The following GP2 variants were observed in gnomAD, a reference collection of about 807,000 sequenced individuals.
GP2 encodes glycoprotein 2.
A neutral mutation model predicts 60.8 loss-of-function variants in GP2; 58 were observed. The ratio of observed to expected loss-of-function variants is 0.95; its 90% CI spans 0.77 to 1.19. The LOEUF is 1.19. Among genes scored for constraint, GP2 ranks in the 50% most tolerant of loss-of-function variants. The probability of loss-of-function intolerance (pLI) is 0.00; values close to 1 mark genes in which losing one functional copy is unlikely to be tolerated. For missense variants in GP2, 647 were observed against 667.4 expected, an observed-to-expected ratio of 0.97 and a Z score of 0.34; for synonymous variants, 280 against 253.4, an observed-to-expected ratio of 1.10 and a Z score of -1.00.
rs1172216023 is a variant in GP2 at position 20,323,907 on chromosome 16, C to T, written c.444G>A (p.Trp148Ter). The T allele has an allele frequency of 6.2e-7, 1 of 1,614,096 alleles. No homozygotes were observed. Among genetic ancestry groups the T allele is most frequent in the Non-Finnish European group, 8.5e-7 (1 of 1,179,948 alleles). ...CAHWSGNCCF[W>*]KTEVLVKACP... Reference sequence around the variant, plus strand: ...AGGCCTTCACCAGCACCTCTGTTTTCCAGAAACAGCAGTTGCCACTCCAAT... The same window carrying T: ...AGGCCTTCACCAGCACCTCTGTTTTTCAGAAACAGCAGTTGCCACTCCAAT... The change falls in exon 3 of 11, where the codon TGG becomes TGA. Residue 148 changes from tryptophan (W) to a stop codon, truncating the protein, a stop_gained. Coordinates refer to ENST00000302555, the MANE Select transcript of GP2 (RefSeq NM_001502.4). LOFTEE classifies it high-confidence loss of function.
chr16:20,315,983 G>C lies in GP2; in HGVS notation c.1474C>G (p.Leu492Val). The C allele has an allele frequency of 6.2e-7, 1 of 1,613,200 alleles. No individual in the cohort carries two copies. The highest frequency in any genetic ancestry group is 1.1e-5 in the South Asian group (1 of 91,062). The change falls in exon 9 of 11, where the codon CTA becomes GTA. Residue 492 changes from leucine to valine, a missense_variant. Physicochemically the swap from Leu to Val is conservative, Grantham distance 32 (BLOSUM62 1). Transcript: ENST00000302555. ...EVPAIDLARV[L>V]DLGPITRRGA... ...CTCCGAGTGATGGGCCCCAAATCTAGAACCCGGGCTAGGTCGATGGCCGGT... is the reference window on the plus strand; with the variant it reads ...CTCCGAGTGATGGGCCCCAAATCTACAACCCGGGCTAGGTCGATGGCCGGT...
intron 3 of GP2, chr16:20,323,480 G>T: frequency 1.5e-6 from 1 of 660,266 alleles, no homozygotes; most frequent in Non-Finnish European, 2.8e-6. Flanking sequence ...TGTTATTTTT[G>T]CTGTACCCCC....
Position 20,310,420 on chromosome 16 carries a change from A to G in GP2, c.*803T>C, listed in dbSNP as rs1963963170. On this transcript the variant is annotated 3_prime_UTR_variant, in exon 11 of 11. Coordinates refer to ENST00000302555, the MANE Select transcript of GP2 (RefSeq NM_001502.4). Reference sequence around the variant, plus strand: ...TTCTTCCTGGAGCAGAGTCTCCAAAAGTGGCCCTTTGACATGTTCCCATGG... The same window carrying G: ...TTCTTCCTGGAGCAGAGTCTCCAAAGGTGGCCCTTTGACATGTTCCCATGG... The G allele has an allele frequency of 6.6e-6, 1 of 152,242 alleles. No individual in the cohort carries two copies. The highest frequency in any genetic ancestry group is 1.5e-5 in the Non-Finnish European group (1 of 68,058). 9.4% of individuals were successfully genotyped at this position (152,242 alleles called of 1,614,324 possible).
At position 20,324,157 on chromosome 16, in the gene GP2, T is replaced by G. The variant is rs763384439; in HGVS notation, c.194A>C (p.Asn65Thr). The change falls in exon 3 of 11, where the codon AAT becomes ACT. Residue 65 changes from asparagine (N) to threonine (T), a missense_variant. By Grantham distance (65) the Asn-to-Thr change is moderately conservative. Transcript: ENST00000302555. ...GAAGGGTTCATCCAGGAGGGTGTAA[T>G]TCTGACAGGGGTCAAAACAGACATG... is the stretch of plus-strand genomic sequence containing the variant. Reference protein sequence around the residue: ...EAHVCFDPCQNYTLLDEPFRS... With the variant: ...EAHVCFDPCQTYTLLDEPFRS... 17 of 1,614,046 alleles carry G rather than the reference T, an allele frequency of 1.1e-5. No homozygotes were observed. Among genetic ancestry groups the G allele is most frequent in the African/African-American group, 2.7e-5 (2 of 75,044 alleles).
intron 9 of GP2, among the ~76,000 whole-genome samples, chr16:20,315,254 G>A (rs1476290686): frequency 6.6e-6 from 1 of 152,096 alleles, no homozygotes; most frequent in Non-Finnish European, 1.5e-5. Flanking sequence ...ATTTGACAAA[G>A]TGCCAGGCAC....
chr16:20,327,387 C>T, intron 1 of GP2, 80 bp downstream of exon 1: 5 of 1,061,492 alleles, frequency 4.7e-6, no homozygotes, highest in Non-Finnish European at 4.9e-6. Context: ...TTTCCAGAAA[C>T]AAAGAATCCT....
rs1029473712 is a variant in GP2, at chr16:20,310,737, C to A, written c.*486G>T. ...AGCCGAGGACAGATTGACAGAAACC[C>A]CACTATGTTGCTTTTCTTTTTTTTT... On this transcript the variant is annotated 3_prime_UTR_variant, in exon 11 of 11. Transcript: ENST00000302555. 3.9e-5 allele frequency: 6 copies of A among 154,922 alleles called. No individual in the cohort carries two copies. Among genetic ancestry groups the A allele is most frequent in the African/African-American group, 1.5e-4 (6 of 41,182 alleles). The allele number at this position is 154,922 out of a possible 1,614,324, so 9.6% of individuals were successfully genotyped here.
chr16:20,314,961 G>T (rs1964115377), intron 9 of GP2, among the ~76,000 whole-genome samples: 1 of 152,222 alleles, frequency 6.6e-6, no homozygotes, highest in East Asian at 1.9e-4. Context: ...CTGGAGCTCA[G>T]TGATGTTAAG....
Position 20,317,384 on chromosome 16 carries a change from G to A in GP2, c.1254-9C>T. 2 of 1,611,252 alleles carry A rather than the reference G, an allele frequency of 1.2e-6. No homozygotes were observed. The highest frequency in any genetic ancestry group is 1.3e-5 in the African/African-American group (1 of 74,988). ...CACGTTGATTTGAGCAGCTGGGAGG[G>A]TGACAGGGGCAAAGGTGTAACTTCT... On this transcript the variant is annotated splice_polypyrimidine_tract_variant and intron_variant, in intron 7 of 10. Transcript: ENST00000302555.
Position 20,315,966 on chromosome 16 carries a change from G to C in GP2, c.1491C>G (p.Ile497Met). 1 of 1,609,882 alleles carries C rather than the reference G, an allele frequency of 6.2e-7. No homozygotes were observed. Among genetic ancestry groups the C allele is most frequent in the East Asian group, 2.2e-5 (1 of 44,862 alleles). Residue 497 changes from isoleucine to methionine, a missense_variant, in exon 9 of 11, where the codon ATC (isoleucine) becomes ATG (methionine). By Grantham distance (10) the Ile-to-Met change is conservative. Coordinates refer to ENST00000302555, the MANE Select transcript of GP2 (RefSeq NM_001502.4). The part of the protein sequence containing the change: ...DLARVLDLGP[I>M]TRRGAQSPGV... ...GATTTGGCCACTTACCTCTCCGAGT[G>C]ATGGGCCCCAAATCTAGAACCCGGG...
At chr16:20,325,973 A>G (rs1016145421) in intron 2 of GP2, among the ~76,000 whole-genome samples, 1 of 152,196 alleles carries the variant, frequency 6.6e-6, no homozygotes, top group Non-Finnish European at 1.5e-5. Flanking sequence ...CCCACTTCAT[A>G]AAGAGATCAC....
At position 20,322,914 on chromosome 16, in the gene GP2, T is replaced by A. The variant is rs1292147433; in HGVS notation, c.601A>T (p.Asn201Tyr). The A allele has an allele frequency of 1.2e-6, 2 of 1,613,092 alleles. No individual in the cohort carries two copies. The highest frequency in any genetic ancestry group is 1.7e-6 in the Non-Finnish European group (2 of 1,179,180). ...CTGCAGAAACAGCCCCAGGTGCTGTTGAGGGCAAGGCACTCCTCCTCGGGG... is the reference window on the plus strand; with the variant it reads ...CTGCAGAAACAGCCCCAGGTGCTGTAGAGGGCAAGGCACTCCTCCTCGGGG... Reference protein sequence around the residue: ...CRPEEECLALNSTWGCFCRQD... With the variant: ...CRPEEECLALYSTWGCFCRQD... The change falls in exon 4 of 11, where the codon AAC (asparagine) becomes TAC (tyrosine). Residue 201 changes from asparagine (N) to tyrosine (Y), a missense_variant. Transcript: ENST00000302555.
chr16:20,319,538 G>T, intron 6 of GP2, 82 bp downstream of exon 6: 1 of 962,328 alleles, frequency 1.0e-6, no homozygotes, highest in Non-Finnish European at 1.7e-6. Context: ...GTATGGTGTG[G>T]ACATCATAGT....
chr16:20,313,477 C>T (rs1174526756), intron 10 of GP2, among the ~76,000 whole-genome samples: 1 of 152,190 alleles, frequency 6.6e-6, no homozygotes, highest in African/African-American at 2.4e-5. Flanking sequence ...GTCTGTCTCA[C>T]TTGTGCAATG....
rs143934889 is a variant in GP2, at chr16:20,323,964, C to T, written c.387G>A (p.Gly129=). The T allele has an allele frequency of 3.7e-6, 6 of 1,613,886 alleles. No individual in the cohort carries two copies. The highest frequency in any genetic ancestry group is 5.1e-6 in the Non-Finnish European group (6 of 1,179,738). ...MWLNGTHPAL[G]DGITNHTACA... ...AGGCAGTGTGGTTGGTGATGCCATC[C>T]CCAAGGGCAGGGTGGGTCCCATTCA... Residue 129 remains glycine (G), a synonymous_variant, in exon 3 of 11, where the codon GGG becomes GGA. Coordinates refer to ENST00000302555, the MANE Select transcript of GP2 (RefSeq NM_001502.4).
At chr16:20,327,443 C>G (rs1426888422) in intron 1 of GP2, 24 bp downstream of exon 1, 1 of 1,277,566 alleles carries the variant, frequency 7.8e-7, no homozygotes, top group South Asian at 1.3e-5. Flanking sequence ...GAGGAAGCCT[C>G]CTGGGGCTTA....
rs1306312078 is a variant in GP2, at chr16:20,327,483, A to G, written c.-53T>C. 4 of 1,288,760 alleles carry G rather than the reference A, an allele frequency of 3.1e-6. No homozygotes were observed. The African/African-American group carries it at 6.1e-5, about 20-fold the overall frequency. 79.8% of individuals were successfully genotyped at this position (1,288,760 alleles called of 1,614,324 possible). A position where few individuals can be genotyped will look rare whatever the true frequency, so the allele number is the denominator to read the frequency against. ...AGGACTTACCTCCGATGAGAACACAAAGCGTTCCTCCTCTGGCCAGCCATG... is the reference window on the plus strand; with the variant it reads ...AGGACTTACCTCCGATGAGAACACAGAGCGTTCCTCCTCTGGCCAGCCATG... On this transcript the variant is annotated 5_prime_UTR_variant, in exon 1 of 11. Coordinates refer to ENST00000302555, the MANE Select transcript of GP2 (RefSeq NM_001502.4).
In GP2 at chr16:20,314,778, A is replaced by T. The variant is rs369352340; in HGVS notation, c.1502-77T>A. 42 of 1,017,498 alleles carry T rather than the reference A, an allele frequency of 4.1e-5. 2 individuals are homozygous for T. The highest frequency in any genetic ancestry group is 6.3e-5 in the Non-Finnish European group (40 of 636,072). 63.0% of individuals were successfully genotyped at this position (1,017,498 alleles called of 1,614,324 possible). On this transcript the variant is annotated intron_variant, in intron 9 of 10. Transcript: ENST00000302555. The stretch of plus-strand genomic sequence containing the variant: ...GCAACACTGTGGCCATAACTGCTTC[A>T]CATCCTCCTAGACCTGGCCATCGCA...
rs991143999 is a variant in GP2 at position 20,327,274 on chromosome 16, G to T, written c.-37+193C>A. On this transcript the variant is annotated intron_variant, in intron 1 of 10. Transcript: ENST00000302555. ...GGAAGAGGGTGGCGTCCGTAGGCCT[G>T]GAGCATCGCAGATGACTGGAAGCAT... 1.7e-5 allele frequency: 6 copies of T among 349,752 alleles called. No individual in the cohort carries two copies. The Admixed American group carries it at 2.3e-4, about 13-fold the overall frequency. 21.7% of individuals were successfully genotyped at this position (349,752 alleles called of 1,614,324 possible).
Sources: allele counts gnomAD v4.1 joint callset (sites outside exome capture counted in the v4.1 genomes callset), GRCh38; gene constraint gnomAD v4.1.1; transcripts MANE v1.5; gene names NCBI Gene and HGNC (gene_info 2026-07-23, HGNC 2026-07-21).